Variants in AGPAT4 observed in about 807,000 individuals in gnomAD.
AGPAT4 encodes 1-acyl-sn-glycerol-3-phosphate acyltransferase delta.
AGPAT4 carries 15 observed loss-of-function variants against 48.0 expected under a neutral mutation model. That is an observed-to-expected ratio of 0.31 (90% CI 0.21 to 0.48). The LOEUF (loss-of-function observed/expected upper bound fraction) is 0.48. Ranked by LOEUF, AGPAT4 falls within the 20% of genes least tolerant of loss-of-function variation. The pLI, the probability that AGPAT4 is intolerant of heterozygous loss-of-function variation, is 0.99. For missense variants in AGPAT4, 314 were observed against 482.5 expected, an observed-to-expected ratio of 0.65 and a Z score of 3.27; for synonymous variants, 178 against 198.7, an observed-to-expected ratio of 0.90 and a Z score of 0.88.
At chr6:161,271,130 C>T (rs1005892647) in intron 1 of AGPAT4, among the ~76,000 whole-genome samples, 6 of 152,168 alleles carry the variant, frequency 3.9e-5, no homozygotes, top group African/African-American at 1.4e-4. Flanking sequence ...TTTACATCTA[C>T]TTATGCTTTC....
intron 5 of AGPAT4, among the ~76,000 whole-genome samples, chr6:161,151,691 A>G (rs1209418097): frequency 1.3e-5 from 2 of 152,254 alleles, no homozygotes; most frequent in East Asian, 1.9e-4. Flanking sequence ...GAGCAAACTT[A>G]GGATCAGAGA....
Position 161,214,514 on chromosome 6 carries a change from C to G in AGPAT4, c.178+17522G>C, listed in dbSNP as rs1292870448. ...GGCATGGTGGCTCATGCCTGTAATC[C>G]CAGCCCTTTGGGAGGTCAAGGCAGG... On this transcript the variant is annotated intron_variant, in intron 2 of 8. Coordinates refer to ENST00000320285, the MANE Select transcript of AGPAT4 (RefSeq NM_020133.3). This position sits in a 1 kb window ranked among gnomAD's most constrained non-coding sequence, Gnocchi z 5.4. Among the ~76,000 whole-genome samples the G allele has an allele frequency of 1.3e-5, 2 of 152,122 alleles. No individual in the cohort carries two copies. Among genetic ancestry groups the G allele is most frequent in the Non-Finnish European group, 2.9e-5 (2 of 68,034 alleles).
Position 161,148,022 on chromosome 6 carries a change from C to T in AGPAT4, c.767+1165G>A, listed in dbSNP as rs994279824. Among the ~76,000 whole-genome samples, 32 of 152,286 alleles carry T rather than the reference C, an allele frequency of 2.1e-4. 1 individual carries two copies. The highest frequency in any genetic ancestry group is 1.9e-4 in the Non-Finnish European group (13 of 68,022). ...ATTTTTGGGCTGATTGTCACACATG[C>T]TTTGGAGAGTTGCAGCTACCTGAGA... On this transcript the variant is annotated intron_variant, in intron 6 of 8. Coordinates refer to ENST00000320285, the MANE Select transcript of AGPAT4 (RefSeq NM_020133.3). This position sits in a 1 kb window ranked among gnomAD's most constrained non-coding sequence, Gnocchi z 5.5.
At position 161,246,150 on chromosome 6, in the gene AGPAT4, CTCT is replaced by C. The variant is rs1285838091; in HGVS notation, c.-89-13851_-89-13849del. The stretch of plus-strand genomic sequence containing the variant: ...TCAAACATGTGTCAGGGCCTTCTCT[CTCT>C]TCTTACTTCAGTCATCAAGCTCAGA... On this transcript the variant is annotated intron_variant, in intron 1 of 8. Coordinates refer to ENST00000320285, the MANE Select transcript of AGPAT4 (RefSeq NM_020133.3). The surrounding 1 kb of genome is among the most constrained non-coding windows in gnomAD (Gnocchi z 5.5). Among the ~76,000 whole-genome samples the C allele has an allele frequency of 6.6e-6, 1 of 152,184 alleles. No homozygotes were observed. The highest frequency in any genetic ancestry group is 1.9e-4 in the East Asian group (1 of 5,182).
chr6:161,203,058 C>G (rs1164847957), intron 2 of AGPAT4, among the ~76,000 whole-genome samples: 4 of 152,194 alleles, frequency 2.6e-5, no homozygotes, highest in Admixed American at 2.0e-4. Flanking sequence ...CCACTGGGCT[C>G]TGTTCAGAAT....
chr6:161,192,028 T>G (rs750906650), intron 2 of AGPAT4, among the ~76,000 whole-genome samples: 21 of 150,284 alleles, frequency 1.4e-4, no homozygotes, highest in Admixed American at 3.3e-4. Context: ...TCCTATTTTG[T>G]GCATTCCTTT....
rs968902625 is a variant in AGPAT4 at position 161,197,352 on chromosome 6, G to A, written c.179-30935C>T. Among the ~76,000 whole-genome samples the A allele has an allele frequency of 6.6e-6, 1 of 152,144 alleles. No homozygotes were observed. Among genetic ancestry groups the A allele is most frequent in the Non-Finnish European group, 1.5e-5 (1 of 68,024 alleles). ...AATACTGCTCTAAGTGATTCTTGAT[G>A]GAGTAAGTACACCTGCTTATGTTTA... On this transcript the variant is annotated intron_variant, in intron 2 of 8. Transcript: ENST00000320285. The surrounding 1 kb of genome is among the most constrained non-coding windows in gnomAD (Gnocchi z 5.7).
At position 161,154,716 on chromosome 6, in the gene AGPAT4, C is replaced by A. The variant is rs370706951; in HGVS notation, c.349-406G>T. Reference sequence around the variant, plus strand: ...CACTAATTTGTGCACCTCTTTTCTGCAGATCTCACTGAGTTTTGTGATATT... The same window carrying A: ...CACTAATTTGTGCACCTCTTTTCTGAAGATCTCACTGAGTTTTGTGATATT... On this transcript the variant is annotated intron_variant, in intron 3 of 8. Transcript: ENST00000320285. This position sits in a 1 kb window ranked among gnomAD's most constrained non-coding sequence, Gnocchi z 7.8. 3.0e-4 allele frequency among the ~76,000 whole-genome samples: 45 copies of A among 152,364 alleles called. No individual in the cohort carries two copies. In the South Asian group the frequency reaches 7.9e-3, roughly 27 times the overall value.
At position 161,153,327 on chromosome 6, in the gene AGPAT4, G is replaced by C. The variant is rs776397070; in HGVS notation, c.664+19C>G. 54 of 1,597,344 alleles carry C rather than the reference G, an allele frequency of 3.4e-5. No individual in the cohort carries two copies. Among genetic ancestry groups the C allele is most frequent in the Non-Finnish European group, 4.4e-5 (51 of 1,171,348 alleles). ...CCTCGCTGCCACGGGGAGGCCCAGG[G>C]CCACGCACTCTTCCTTACCTACATT... On this transcript the variant is annotated intron_variant, in intron 5 of 8. Transcript: ENST00000320285.
In AGPAT4 at chr6:161,149,898, T is replaced by C. The variant is rs1350683484; in HGVS notation, c.665-609A>G. ...AGGTCTAGAGGTACTACGACGATGA[T>C]TTGTAACTTTCTAATGTGCCCAGCC... On this transcript the variant is annotated intron_variant, in intron 5 of 8. Transcript: ENST00000320285. This position sits in a 1 kb window ranked among gnomAD's most constrained non-coding sequence, Gnocchi z 6.5. 3.9e-5 allele frequency among the ~76,000 whole-genome samples: 6 copies of C among 152,186 alleles called. No individual in the cohort carries two copies. The East Asian group carries it at 1.2e-3, about 29-fold the overall frequency.
intron 1 of AGPAT4, among the ~76,000 whole-genome samples, chr6:161,241,100 T>TA (rs1394968876): frequency 1.3e-5 from 2 of 151,714 alleles, no homozygotes; most frequent in Non-Finnish European, 2.9e-5. Context: ...CCATCTCTAC[T>TA]AAAAATACAA....
chr6:161,241,359 T>C (rs918112889), intron 1 of AGPAT4, among the ~76,000 whole-genome samples: 1 of 152,136 alleles, frequency 6.6e-6, no homozygotes, highest in Non-Finnish European at 1.5e-5. Flanking sequence ...GAACAGTCCT[T>C]TGTCCAGTAC....
rs908476779 is a variant in AGPAT4, at chr6:161,220,542, AG to A, written c.178+11493del. ...TTATAGTTCCTCAAGCAGAGCAAGTAGAGGAACCAAAGACTTGTTGCCCTCT... is the reference window on the plus strand; with the variant it reads ...TTATAGTTCCTCAAGCAGAGCAAGTAAGGAACCAAAGACTTGTTGCCCTCT... On this transcript the variant is annotated intron_variant, in intron 2 of 8. Transcript: ENST00000320285. This position sits in a 1 kb window ranked among gnomAD's most constrained non-coding sequence, Gnocchi z 6.0. 1.8e-4 allele frequency among the ~76,000 whole-genome samples: 28 copies of A among 152,314 alleles called. No individual in the cohort carries two copies. Among genetic ancestry groups the A allele is most frequent in the African/African-American group, 6.7e-4 (28 of 41,572 alleles).
Position 161,215,666 on chromosome 6 carries a change from A to G in AGPAT4, c.178+16370T>C, listed in dbSNP as rs1781626384. Among the ~76,000 whole-genome samples the G allele has an allele frequency of 6.6e-6, 1 of 151,794 alleles. No individual in the cohort carries two copies. Among genetic ancestry groups the G allele is most frequent in the Non-Finnish European group, 1.5e-5 (1 of 67,936 alleles). ...GATATCCTTGCAGTGGCTGAGGGGT[A>G]TATCTGCTTGAACCACACAGTAGAA... On this transcript the variant is annotated intron_variant, in intron 2 of 8. Transcript: ENST00000320285. This position sits in a 1 kb window ranked among gnomAD's most constrained non-coding sequence, Gnocchi z 4.5.
In AGPAT4 at chr6:161,200,465, C is replaced by T. The variant is rs1257484417; in HGVS notation, c.178+31571G>A. On this transcript the variant is annotated intron_variant, in intron 2 of 8. Transcript: ENST00000320285. The surrounding 1 kb of genome is among the most constrained non-coding windows in gnomAD (Gnocchi z 5.5). ...ACAATCCTAATTATCTATGAGAAGG[C>T]CTGCACTCTCTGGCTTCTTCCATTT... Among the ~76,000 whole-genome samples the T allele has an allele frequency of 2.6e-5, 4 of 152,308 alleles. No homozygotes were observed. Among genetic ancestry groups the T allele is most frequent in the East Asian group, 3.9e-4 (2 of 5,182 alleles).
Position 161,240,077 on chromosome 6 carries a change from G to A in AGPAT4, c.-89-7775C>T, listed in dbSNP as rs569143524. Among the ~76,000 whole-genome samples the A allele has an allele frequency of 3.6e-4, 54 of 152,078 alleles. No homozygotes were observed. The highest frequency in any genetic ancestry group is 1.2e-3 in the African/African-American group (51 of 41,476). On this transcript the variant is annotated intron_variant, in intron 1 of 8. Coordinates refer to ENST00000320285, the MANE Select transcript of AGPAT4 (RefSeq NM_020133.3). This position sits in a 1 kb window ranked among gnomAD's most constrained non-coding sequence, Gnocchi z 5.5. ...AATAGGTGAAGTGTCACTAAAATAG[G>A]TTTGCAGTAAAATGGATACATTTTC...
intron 2 of AGPAT4, among the ~76,000 whole-genome samples, chr6:161,174,315 A>G (rs1780364658): frequency 6.6e-6 from 1 of 151,958 alleles, no homozygotes; most frequent in Non-Finnish European, 1.5e-5. Context: ...GTCCTCTTTT[A>G]TTTCGTTGAG....
chr6:161,164,647 G>C lies in AGPAT4; in HGVS notation c.348+1601C>G, dbSNP rs79890915. ...AATCACTCAGCCAAACTGAGGCTCT[G>C]GGGGTTTATTTATAAAATGTGGATA... On this transcript the variant is annotated intron_variant, in intron 3 of 8. Transcript: ENST00000320285. This position sits in a 1 kb window ranked among gnomAD's most constrained non-coding sequence, Gnocchi z 7.4. Among the ~76,000 whole-genome samples, 12,000 of 152,220 alleles carry C rather than the reference G, an allele frequency of 0.079. 524 individuals carry two copies. The highest frequency in any genetic ancestry group is 0.1 in the Non-Finnish European group (7,020 of 68,004).
chr6:161,203,799 A>G (rs1368122954), intron 2 of AGPAT4, among the ~76,000 whole-genome samples: 2 of 152,138 alleles, frequency 1.3e-5, no homozygotes, highest in African/African-American at 4.8e-5. Context: ...TTGTTGAGCT[A>G]TCACCATCTA....
Sources: allele counts gnomAD v4.1 joint callset (sites outside exome capture counted in the v4.1 genomes callset), GRCh38; gene constraint gnomAD v4.1.1; non-coding constraint Gnocchi (gnomAD v3.1); transcripts MANE v1.5; gene names NCBI Gene and HGNC (gene_info 2026-07-23, HGNC 2026-07-21).